THOC1: variants seen among roughly 807,000 people sequenced by gnomAD.
The protein encoded by THOC1 is THO complex subunit 1, also known as THO complex 1.
Under a neutral mutation model 97.3 loss-of-function variants are expected in THOC1, and 29 were observed. The ratio of observed to expected loss-of-function variants is 0.30; its 90% CI spans 0.22 to 0.41. THOC1 has a LOEUF of 0.41. Ranked by LOEUF, THOC1 falls within the 10% of genes least tolerant of loss-of-function variation. The pLI is 1.00. For missense variants in THOC1, 529 were observed against 761.9 expected (o/e 0.69, Z 3.60); for synonymous variants, 255 against 257.0 (o/e 0.99, Z 0.07).
At chr18:219,997 G>C (rs1260588016) in intron 17 of THOC1, among the ~76,000 whole-genome samples, 1 of 152,170 alleles carries the variant, frequency 6.6e-6, no homozygotes, top group African/African-American at 2.4e-5. Flanking sequence ...TGAGGTCTCA[G>C]GATCAGAAGA....
intron 11 of THOC1, among the ~76,000 whole-genome samples, chr18:228,271 TC>T (rs977607345): frequency 1.3e-5 from 2 of 152,116 alleles, no homozygotes; most frequent in African/African-American, 4.8e-5. Flanking sequence ...CCTCTATCCT[TC>T]CCAGGTCTCT....
intron 8 of THOC1, 57 bp from the exon 9 acceptor site, chr18:252,669 T>C (rs1393273765): frequency 1.4e-6 from 2 of 1,425,216 alleles, no homozygotes; most frequent in Non-Finnish European, 2.0e-6. Context: ...ACAGAAGAGA[T>C]AAATGCTAGA....
rs1269606971 is a variant in THOC1, at chr18:214,634, T to A, written c.1966A>T (p.Asn656Tyr). The change falls in exon 21 of 21, where the codon AAT becomes TAT. Residue 656 changes from asparagine to tyrosine, a missense_variant. Physicochemically the swap from Asn to Tyr is moderately radical, Grantham distance 143 (BLOSUM62 -2). Transcript: ENST00000261600. ...AAGAAAAAAAAAAGAAGCTAACTAT[T>A]TGTCTCATTGTCATTAGTTAGACTT... ...AESLTNDNET[N>Y]S 1.2e-6 allele frequency: 2 copies of A among 1,603,700 alleles called. No homozygotes were observed. The highest frequency in any genetic ancestry group is 2.7e-5 in the African/African-American group (2 of 74,524).
intron 11 of THOC1, among the ~76,000 whole-genome samples, chr18:232,498 C>T (rs1567846985): frequency 6.6e-6 from 1 of 151,560 alleles, no homozygotes; most frequent in Non-Finnish European, 1.5e-5. Context: ...ATTATCTTAT[C>T]ACCCAGTCTT....
intron 17 of THOC1, among the ~76,000 whole-genome samples, chr18:220,122 A>T (rs1911027428): frequency 6.6e-6 from 1 of 152,210 alleles, no homozygotes; most frequent in Non-Finnish European, 1.5e-5. Context: ...GCCCCAAGTT[A>T]TCCATGTCCT....
rs1480422591 is a variant in THOC1 at position 223,425 on chromosome 18, A to G, written c.1370+15T>C. On this transcript the variant is annotated intron_variant, in intron 17 of 20. Coordinates refer to ENST00000261600, the MANE Select transcript of THOC1 (RefSeq NM_005131.3). ...TGACAAAAGCAACACTTCATTTGAAAAATGTTCAACTTGCCTTGTCTCTGA... is the reference window on the plus strand; with the variant it reads ...TGACAAAAGCAACACTTCATTTGAAGAATGTTCAACTTGCCTTGTCTCTGA... 5 of 1,550,544 alleles carry G rather than the reference A, an allele frequency of 3.2e-6. No homozygotes were observed. The South Asian group carries it at 4.8e-5, about 15-fold the overall frequency.
intron 18 of THOC1, among the ~76,000 whole-genome samples, chr18:218,679 G>A (rs1370774254): frequency 6.6e-6 from 1 of 151,968 alleles, no homozygotes; most frequent in East Asian, 1.9e-4. Flanking sequence ...TTTGAAACAA[G>A]GGTGATTCCA....
rs34534049 is a variant in THOC1 at position 242,442 on chromosome 18, C to CA, written c.918+3881dup. ...ACAGTGGGCCAAAAAAAAAGTGTCTCAAAAAAAAAAAAAAAGTTTGTATCA... is the reference window on the plus strand; with the variant it reads ...ACAGTGGGCCAAAAAAAAAGTGTCTCAAAAAAAAAAAAAAAAGTTTGTATCA... On this transcript the variant is annotated intron_variant, in intron 11 of 20. Transcript: ENST00000261600. The surrounding 1 kb of genome is among the most constrained non-coding windows in gnomAD (Gnocchi z 4.5). Among the ~76,000 whole-genome samples, 5,896 of 138,294 alleles carry CA rather than the reference C, an allele frequency of 0.043. 139 individuals carry two copies. Among genetic ancestry groups the CA allele is most frequent in the Middle Eastern group, 0.081 (22 of 272 alleles). The allele number at this position is 138,294 out of a possible 152,430, so 90.7% of individuals were successfully genotyped here.
chr18:254,234 G>T lies in THOC1; in HGVS notation c.603+39C>A. The T allele has an allele frequency of 1.4e-6, 2 of 1,413,170 alleles. No individual in the cohort carries two copies. Among genetic ancestry groups the T allele is most frequent in the Non-Finnish European group, 2.0e-6 (2 of 1,019,174 alleles). The allele number at this position is 1,413,170 out of a possible 1,614,324, so 87.5% of individuals were successfully genotyped here. ...GACCCACTATCTTAATAACAAACTT[G>T]CAAATATGTTATCTGAGAAGATTTC... On this transcript the variant is annotated intron_variant, in intron 8 of 20. Coordinates refer to ENST00000261600, the MANE Select transcript of THOC1 (RefSeq NM_005131.3). This position sits in a 1 kb window ranked among gnomAD's most constrained non-coding sequence, Gnocchi z 4.1.
At chr18:267,786 A>C (rs907926272) in intron 1 of THOC1, among the ~76,000 whole-genome samples, 180 bp downstream of exon 1, 3 of 152,228 alleles carry the variant, frequency 2.0e-5, no homozygotes, top group South Asian at 2.1e-4. Flanking sequence ...CCAGCCCACA[A>C]AGAAGAGGCG....
At chr18:225,564 T>G in intron 12 of THOC1, 161 bp from the exon 13 acceptor site, 1 of 610,854 alleles carries the variant, frequency 1.6e-6, no homozygotes, top group Non-Finnish European at 2.8e-6. Flanking sequence ...TAAGAGAAAA[T>G]TCTTGCACTT....
intron 13 of THOC1, 30 bp from the exon 14 acceptor site, chr18:225,169 C>A: frequency 6.4e-7 from 1 of 1,552,630 alleles, no homozygotes; most frequent in South Asian, 1.2e-5. Context: ...ACTAAGCTTT[C>A]AACAACTTTC....
intron 11 of THOC1, among the ~76,000 whole-genome samples, chr18:240,968 A>G (rs1310318155): frequency 6.6e-6 from 1 of 152,080 alleles, no homozygotes; most frequent in African/African-American, 2.4e-5. Context: ...TCAGTTTACA[A>G]TAGGGTTCAT....
intron 7 of THOC1, among the ~76,000 whole-genome samples, chr18:257,636 A>T (rs559247845): frequency 6.6e-6 from 1 of 152,290 alleles, no homozygotes; most frequent in South Asian, 2.1e-4. Flanking sequence ...GTAACAGCCA[A>T]TGATAACCAG....
chr18:220,694 ATC>A (rs1295906900), intron 17 of THOC1, among the ~76,000 whole-genome samples: 8 of 152,228 alleles, frequency 5.3e-5, no homozygotes, highest in African/African-American at 1.7e-4. Context: ...CTACTTCTGA[ATC>A]TGACTATTCA....
At chr18:230,628 AATAC>A (rs1310041090) in intron 11 of THOC1, among the ~76,000 whole-genome samples, 11 of 152,238 alleles carry the variant, frequency 7.2e-5, no homozygotes, top group Admixed American at 3.9e-4. Flanking sequence ...GAGTAAAACT[AATAC>A]ACTCAATTGT....
chr18:253,119 G>A (rs1295360587), intron 8 of THOC1, among the ~76,000 whole-genome samples: 1 of 152,206 alleles, frequency 6.6e-6, no homozygotes, highest in African/African-American at 2.4e-5. Context: ...AATTCACACT[G>A]TTGGGGTGAG....
intron 17 of THOC1, among the ~76,000 whole-genome samples, chr18:221,836 C>T (rs2143155014): frequency 6.6e-6 from 1 of 152,230 alleles, no homozygotes; most frequent in South Asian, 2.1e-4. Flanking sequence ...TCTCTATCTC[C>T]TGACCTCATG....
At chr18:219,008 T>A (rs5015485) in intron 17 of THOC1, 39 bp from the exon 18 acceptor site, 176 of 1,157,396 alleles carry the variant, frequency 1.5e-4, no homozygotes, top group Admixed American at 3.4e-4. Context: ...ATGGCATATA[T>A]TCTTAATAAT....
Sources: gnomAD v4.1 joint callset for allele counts (sites outside exome capture counted in the v4.1 genomes callset) on GRCh38, gnomAD v4.1.1 for gene constraint, Gnocchi (gnomAD v3.1) non-coding constraint, MANE v1.5 for transcripts, NCBI Gene and HGNC (gene_info 2026-07-23, HGNC 2026-07-21) for gene names.